Variants in CRPPA observed in about 807,000 individuals in gnomAD.
The protein encoded by CRPPA is CDP-L-ribitol pyrophosphorylase A.
CRPPA carries 43 observed loss-of-function variants against 52.0 expected under a neutral mutation model. The observed-to-expected ratio is 0.83, with a 90% CI of 0.65 to 1.07. The LOEUF (loss-of-function observed/expected upper bound fraction) is 1.07, where lower values mean the gene tolerates loss of function less well. CRPPA is among the 50% of genes least tolerant of loss of function. The pLI, the probability that CRPPA is intolerant of heterozygous loss-of-function variation, is 0.00. For synonymous variants in CRPPA, 250 were observed against 203.5 expected (o/e 1.23, Z -1.94); for missense variants, 629 against 551.7 (o/e 1.14, Z -1.40).
intron 1 of CRPPA, among the ~76,000 whole-genome samples, chr7:16,410,051 C>T (rs901758846): frequency 5.3e-5 from 8 of 152,186 alleles, no homozygotes; most frequent in African/African-American, 1.9e-4. Context: ...TGACTAGCTA[C>T]AAATATATAA....
intron 9 of CRPPA, among the ~76,000 whole-genome samples, chr7:16,207,617 A>G (rs529797357): frequency 8.2e-4 from 125 of 152,342 alleles, no homozygotes; most frequent in South Asian, 1.4e-3. Context: ...CACACATTTT[A>G]TTTCAATGCA....
chr7:16,201,869 T>A (rs760394260), intron 9 of CRPPA, among the ~76,000 whole-genome samples: 2 of 152,192 alleles, frequency 1.3e-5, no homozygotes, highest in Non-Finnish European at 2.9e-5. Context: ...TTCTTTTACT[T>A]CTCTTTCATC....
At chr7:16,286,397 C>T (rs376570271) in intron 5 of CRPPA, among the ~76,000 whole-genome samples, 9 of 151,850 alleles carry the variant, frequency 5.9e-5, no homozygotes, top group African/African-American at 2.2e-4. Flanking sequence ...AAATGTTTAT[C>T]TGTATTCATA....
intron 5 of CRPPA, among the ~76,000 whole-genome samples, chr7:16,284,919 C>T (rs1171523393): frequency 6.6e-6 from 1 of 152,042 alleles, no homozygotes; most frequent in Non-Finnish European, 1.5e-5. Flanking sequence ...GAGCAGGGCT[C>T]CAATAAATTA....
intron 3 of CRPPA, among the ~76,000 whole-genome samples, chr7:16,359,328 G>T (rs1786383461): frequency 6.6e-6 from 1 of 152,102 alleles, no homozygotes; most frequent in Admixed American, 6.5e-5. Context: ...CTAAATAATG[G>T]CATCATTACT....
At chr7:16,144,221 C>A (rs998497989) in intron 9 of CRPPA, among the ~76,000 whole-genome samples, 9 of 152,218 alleles carry the variant, frequency 5.9e-5, no homozygotes, top group Admixed American at 2.6e-4. Context: ...GCCAAGAGCC[C>A]CTTTCACCAA....
chr7:16,421,528 G>C lies in CRPPA; in HGVS notation c.-206C>G, dbSNP rs1788340160. On this transcript the variant is annotated 5_prime_UTR_variant, in exon 1 of 10. Transcript: ENST00000407010. ...CCCGACAGCTACGGCAGCAGCTGAG[G>C]CTGCCGATCTGCCCTCGCGGCTCGG... Among the ~76,000 whole-genome samples the C allele has an allele frequency of 6.6e-6, 1 of 152,198 alleles. No individual in the cohort carries two copies. Among genetic ancestry groups the C allele is most frequent in the Non-Finnish European group, 1.5e-5 (1 of 68,032 alleles).
rs567147850 is a variant in CRPPA at position 16,335,084 on chromosome 7, C to A, written c.685-26457G>T. On this transcript the variant is annotated intron_variant, in intron 3 of 9. Transcript: ENST00000407010. ...CATGTAATCCCAGCAATCTGGGAGG[C>A]TGAGGCAGGAGAACTGCTTGAGTGC... Among the ~76,000 whole-genome samples, 280 of 133,562 alleles carry A rather than the reference C, an allele frequency of 2.1e-3. 1 individual carries two copies. Among genetic ancestry groups the A allele is most frequent in the South Asian group, 3.8e-3 (15 of 3,970 alleles). The allele number at this position is 133,562 out of a possible 152,430, so 87.6% of individuals were successfully genotyped here. A position where few individuals can be genotyped will look rare whatever the true frequency, so the allele number is the denominator to read the frequency against.
intron 9 of CRPPA, among the ~76,000 whole-genome samples, chr7:16,137,698 C>A (rs978553085): frequency 1.8e-4 from 27 of 152,028 alleles, no homozygotes; most frequent in African/African-American, 1.4e-4. Flanking sequence ...TTAGACTGAT[C>A]CTATATTTTA....
intron 2 of CRPPA, among the ~76,000 whole-genome samples, chr7:16,378,547 T>C (rs1445809862): frequency 6.6e-6 from 1 of 152,058 alleles, no homozygotes; most frequent in Non-Finnish European, 1.5e-5. Context: ...TATTTGCTAT[T>C]GTGAATAGTG....
intron 5 of CRPPA, among the ~76,000 whole-genome samples, chr7:16,290,240 T>A (rs935422695): frequency 1.3e-5 from 2 of 151,734 alleles, no homozygotes; most frequent in African/African-American, 4.8e-5. Flanking sequence ...AATCTACAGA[T>A]TCAATACAAT....
At chr7:16,307,673 CAAAAAAAAA>C (rs55682769) in intron 4 of CRPPA, among the ~76,000 whole-genome samples, 2 of 44,344 alleles carry the variant, frequency 4.5e-5, no homozygotes, top group African/African-American at 1.8e-4. Flanking sequence ...GAAACTCTGT[CAAAAAAAAA>C]AAAAAAAAAA....
intron 8 of CRPPA, among the ~76,000 whole-genome samples, chr7:16,246,634 T>C (rs1476712914): frequency 6.6e-6 from 1 of 152,218 alleles, no homozygotes; most frequent in Non-Finnish European, 1.5e-5. Context: ...TGTTAGCAGA[T>C]ATAAAGTAAC....
chr7:16,305,210 G>C (rs1157764176), intron 4 of CRPPA, among the ~76,000 whole-genome samples: 1 of 152,016 alleles, frequency 6.6e-6, no homozygotes, highest in Non-Finnish European at 1.5e-5. Context: ...TCAAAGATGA[G>C]ACAAGAGGCA....
intron 2 of CRPPA, among the ~76,000 whole-genome samples, chr7:16,378,256 C>A (rs372426643): frequency 3.0e-5 from 3 of 101,476 alleles, no homozygotes; most frequent in East Asian, 3.8e-4. Flanking sequence ...GCTATCCCTC[C>A]CCCCTCCCCC....
intron 3 of CRPPA, among the ~76,000 whole-genome samples, chr7:16,375,152 T>C (rs1047412251): frequency 6.6e-6 from 1 of 152,302 alleles, no homozygotes; most frequent in Non-Finnish European, 1.5e-5. Flanking sequence ...ACGATGACCA[T>C]GGATCAGCTT....
At chr7:16,283,839 T>A (rs2128418986) in intron 5 of CRPPA, among the ~76,000 whole-genome samples, 1 of 152,122 alleles carries the variant, frequency 6.6e-6, no homozygotes, top group South Asian at 2.1e-4. Context: ...CTAACATTTA[T>A]AAAGGTGATA....
chr7:16,166,326 C>G (rs892331233), intron 9 of CRPPA, among the ~76,000 whole-genome samples: 1 of 151,980 alleles, frequency 6.6e-6, no homozygotes, highest in African/African-American at 2.4e-5. Context: ...GCTGCCCAGG[C>G]TAGAGTGCAG....
chr7:16,219,035 C>G (rs192346784), intron 8 of CRPPA, among the ~76,000 whole-genome samples: 2 of 152,092 alleles, frequency 1.3e-5, no homozygotes, highest in East Asian at 1.9e-4. Flanking sequence ...TTACCACATA[C>G]TTGGAAGTAA....
Sources: allele counts gnomAD v4.1 joint callset (sites outside exome capture counted in the v4.1 genomes callset), GRCh38; gene constraint gnomAD v4.1.1; transcripts MANE v1.5; gene names NCBI Gene and HGNC (gene_info 2026-07-23, HGNC 2026-07-21).